NT5DC4: variants seen among roughly 807,000 people sequenced by gnomAD.
NT5DC4 encodes 5'-nucleotidase domain-containing protein 4.
A neutral mutation model predicts 26.6 loss-of-function variants in NT5DC4; 44 were observed. That is an observed-to-expected ratio of 1.65 (90% CI 1.30 to 2.13). NT5DC4 has a LOEUF of 2.13. NT5DC4 is among the 30% of genes most tolerant of loss of function. The probability of loss-of-function intolerance (pLI) is 0.00; values close to 1 mark genes in which losing one functional copy is unlikely to be tolerated. For synonymous variants in NT5DC4, 157 were observed against 86.7 expected (o/e 1.81, Z -4.51); for missense variants, 399 against 228.1 (o/e 1.75, Z -4.83).
At chr2:112,720,747 C>T (rs1389896527), upstream of NT5DC4, among the ~76,000 whole-genome samples, 2 of 152,186 alleles carry the variant, frequency 1.3e-5, no homozygotes, top group East Asian at 3.8e-4. Flanking sequence ...GACTTTGTAT[C>T]CCGTCATTTG....
chr2:112,741,480 T>C (rs1679960791), downstream of NT5DC4, among the ~76,000 whole-genome samples: 1 of 152,194 alleles, frequency 6.6e-6, no homozygotes, highest in South Asian at 2.1e-4. Context: ...TTAATAGTTT[T>C]CATGGTAGCC....
intron 16 of NT5DC4, chr2:112,737,443 T>C (rs1350226081): frequency 6.6e-6 from 1 of 152,238 alleles, no homozygotes; most frequent in Non-Finnish European, 1.5e-5. Flanking sequence ...TAGCTCACAG[T>C]GGTTTTAATT....
intron 15 of NT5DC4, among the ~76,000 whole-genome samples, chr2:112,728,230 GACC>G (rs758213104): frequency 3.3e-5 from 5 of 152,214 alleles, no homozygotes; most frequent in Admixed American, 6.5e-5. Context: ...TTTAGATTGA[GACC>G]ACACTATCTC....
Position 112,725,481 on chromosome 2 carries a change from G to T in NT5DC4, c.1082G>T (p.Arg361Leu). The T allele has an allele frequency of 1.4e-6, 1 of 717,242 alleles. No homozygotes were observed. Among genetic ancestry groups the T allele is most frequent in the Non-Finnish European group, 2.6e-6 (1 of 384,986 alleles). 44.4% of individuals were successfully genotyped at this position (717,242 alleles called of 1,614,324 possible). A position where few individuals can be genotyped will look rare whatever the true frequency, so the allele number is the denominator to read the frequency against. ...IFGDILKSKK[R>L]QGWRTCLVVP... ...GGGGACATTCTCAAGTCCAAGAAGC[G>T]TCAGGGCTGGCGGACTTGCCTGGTG... is the stretch of plus-strand genomic sequence containing the variant. Residue 361 changes from arginine (R) to leucine (L), a missense_variant, in exon 13 of 17, where the codon CGT (arginine) becomes CTT (leucine). Transcript: ENST00000688554.
chr2:112,725,882 G>A (rs1677641969), intron 13 of NT5DC4, among the ~76,000 whole-genome samples: 2 of 145,804 alleles, frequency 1.4e-5, no homozygotes, highest in Non-Finnish European at 3.0e-5. Flanking sequence ...TCAGTGAGTG[G>A]AAGGTACACA....
At chr2:112,734,825 G>A (rs1678902160) in intron 16 of NT5DC4, among the ~76,000 whole-genome samples, 1 of 152,078 alleles carries the variant, frequency 6.6e-6, no homozygotes, top group African/African-American at 2.4e-5. Context: ...AAGTAGCTGG[G>A]ACTACAGGCA....
intron 14 of NT5DC4, 135 bp from the exon 15 acceptor site, chr2:112,726,543 C>T (rs1677742759): frequency 1.4e-6 from 1 of 690,464 alleles, no homozygotes; most frequent in Non-Finnish European, 2.7e-6. Flanking sequence ...CACGCATGCA[C>T]ACACCCAGCC....
chr2:112,730,310 CAAAAAAAAA>C (rs11375761), intron 16 of NT5DC4, among the ~76,000 whole-genome samples: 1 of 76,192 alleles, frequency 1.3e-5, no homozygotes, highest in East Asian at 4.6e-4. Flanking sequence ...AAGACTGTCT[CAAAAAAAAA>C]AAAAAAAAAA....
At position 112,722,165 on chromosome 2, in the gene NT5DC4, C is replaced by A; in HGVS notation, c.267-18C>A. The stretch of plus-strand genomic sequence containing the variant: ...TTGGTACCCCCACCCACAGTGCCCC[C>A]CGACCCCCCGTCTGCAGGCGGCTGG... On this transcript the variant is annotated intron_variant, in intron 3 of 16. Coordinates refer to ENST00000688554, the MANE Select transcript of NT5DC4 (RefSeq NM_001393655.1). 1 of 581,802 alleles carries A rather than the reference C, an allele frequency of 1.7e-6. No homozygotes were observed. Among genetic ancestry groups the A allele is most frequent in the South Asian group, 1.6e-5 (1 of 63,110 alleles). The allele number at this position is 581,802 out of a possible 1,614,324, so 36.0% of individuals were successfully genotyped here. A position where few individuals can be genotyped will look rare whatever the true frequency, so the allele number is the denominator to read the frequency against.
intron 16 of NT5DC4, among the ~76,000 whole-genome samples, chr2:112,734,415 G>C (rs1678836021): frequency 6.6e-6 from 1 of 152,120 alleles, no homozygotes. Context: ...TTCTCTGGCA[G>C]GTTTTGTCCA....
chr2:112,724,328 C>A (rs890299314), intron 10 of NT5DC4: 63 of 611,200 alleles, frequency 1.0e-4, no homozygotes, highest in Admixed American at 3.9e-4. Flanking sequence ...CTGGGAGGAG[C>A]CTTTGGGGGT....
upstream of NT5DC4, among the ~76,000 whole-genome samples, chr2:112,719,936 T>TTC (rs1219836180): frequency 4.3e-3 from 329 of 76,214 alleles, 5 homozygotes; most frequent in South Asian, 9.5e-3. Flanking sequence ...CTTTCTTTCT[T>TTC]TCTTTCTTTC....
chr2:112,740,371 A>G (rs537569677), downstream of NT5DC4, among the ~76,000 whole-genome samples: 4 of 152,362 alleles, frequency 2.6e-5, no homozygotes, highest in Non-Finnish European at 4.4e-5. Flanking sequence ...ACGCCCTGAC[A>G]TAGCTCCTTA....
In NT5DC4 at chr2:112,721,748, C is replaced by G. The variant is rs183544139; in HGVS notation, c.75-70C>G. 6.1e-5 allele frequency: 44 copies of G among 716,826 alleles called. No homozygotes were observed. In the African/African-American group the frequency reaches 6.4e-4, roughly 11 times the overall value. 44.4% of individuals were successfully genotyped at this position (716,826 alleles called of 1,614,324 possible). On this transcript the variant is annotated intron_variant, in intron 1 of 16. Transcript: ENST00000688554. ...GCCCTCCTCTGCGGGGTTTCCACCC[C>G]CTCTGTCCTTGGGCCTTGGATTCTG...
rs1447135573 is a variant in NT5DC4, at chr2:112,723,883, G to A, written c.756+81G>A. Reference sequence around the variant, plus strand: ...ACAGTGGCACTGCAAGCAACAGGGAGGGGTGGGGCGGGGAGCCAAGACCCT... The same window carrying A: ...ACAGTGGCACTGCAAGCAACAGGGAAGGGTGGGGCGGGGAGCCAAGACCCT... On this transcript the variant is annotated intron_variant, in intron 9 of 16. Coordinates refer to ENST00000688554, the MANE Select transcript of NT5DC4 (RefSeq NM_001393655.1). The A allele has an allele frequency of 2.3e-5, 16 of 701,820 alleles. No individual in the cohort carries two copies. In the East Asian group the frequency reaches 3.8e-4, roughly 17 times the overall value. 43.5% of individuals were successfully genotyped at this position (701,820 alleles called of 1,614,324 possible).
rs115379846 is a variant in NT5DC4, at chr2:112,728,051, T to C, written c.1266+1313T>C. 1.2e-3 allele frequency among the ~76,000 whole-genome samples: 182 copies of C among 152,354 alleles called. 1 individual carries two copies. The highest frequency in any genetic ancestry group is 2.3e-3 in the Non-Finnish European group (159 of 68,036). ...AGGACCCACTGGTCCCCAGCCTTGC[T>C]AGGAGCTTGCAAGGTCACCAGCCCT... On this transcript the variant is annotated intron_variant, in intron 15 of 16. Transcript: ENST00000688554.
intron 16 of NT5DC4, among the ~76,000 whole-genome samples, chr2:112,733,275 T>C (rs758797275): frequency 1.3e-5 from 2 of 151,462 alleles, no homozygotes; most frequent in African/African-American, 4.9e-5. Flanking sequence ...TTAAACTTAA[T>C]GTCACCTCTA....
downstream of NT5DC4, chr2:112,740,926 G>A (rs778081788): frequency 6.2e-7 from 1 of 1,613,992 alleles, no homozygotes; most frequent in South Asian, 1.1e-5. Flanking sequence ...AGAAAGACAA[G>A]ACTTCACAGA....
At chr2:112,719,938 C>CTT (rs569573373), upstream of NT5DC4, among the ~76,000 whole-genome samples, 5 of 83,688 alleles carry the variant, frequency 6.0e-5, no homozygotes, top group African/African-American at 2.1e-4. Flanking sequence ...TTCTTTCTTT[C>CTT]TTTCTTTCTT....
Sources: gnomAD v4.1 joint callset for allele counts (sites outside exome capture counted in the v4.1 genomes callset) on GRCh38, gnomAD v4.1.1 for gene constraint, MANE v1.5 for transcripts, NCBI Gene and HGNC (gene_info 2026-07-23, HGNC 2026-07-21) for gene names.